The following BTD variants were observed in gnomAD, a reference collection of about 807,000 sequenced individuals.
The protein encoded by BTD is biotinidase, also known as biocytinase.
BTD carries 13 observed loss-of-function variants against 17.7 expected under a neutral mutation model. That is an observed-to-expected ratio of 0.74 (90% CI 0.48 to 1.17). BTD has a LOEUF of 1.17. BTD is among the 50% of genes most tolerant of loss of function. BTD has a pLI of 0.00. For synonymous variants in BTD, 240 were observed against 245.2 expected (o/e 0.98, Z 0.20); for missense variants, 674 against 650.4 (o/e 1.04, Z -0.39).
At chr3:15,720,662 ATTG>A (rs1372068586) in intron 4 of BTD, among the ~76,000 whole-genome samples, 26 of 152,082 alleles carry the variant, frequency 1.7e-4, no homozygotes, top group African/African-American at 5.6e-4. Flanking sequence ...AATGGCAATA[ATTG>A]TTGTGATTTT....
At chr3:15,675,154 C>G (rs1575084752) in intron 3 of BTD, among the ~76,000 whole-genome samples, 1 of 152,108 alleles carries the variant, frequency 6.6e-6, no homozygotes, top group African/African-American at 2.4e-5. Flanking sequence ...TCAGTAATCC[C>G]AGCTACCTGG....
At chr3:15,608,595 G>A (rs1421807207) in intron 1 of BTD, among the ~76,000 whole-genome samples, 2 of 152,094 alleles carry the variant, frequency 1.3e-5, no homozygotes, top group African/African-American at 2.4e-5. Flanking sequence ...GTGAAACCCC[G>A]TCTCTACTAA....
chr3:15,718,172 G>A (rs940535227), intron 4 of BTD, among the ~76,000 whole-genome samples: 1 of 152,162 alleles, frequency 6.6e-6, no homozygotes, highest in African/African-American at 2.4e-5. Flanking sequence ...TTGTGTGTAA[G>A]AGCTGGAAGG....
chr3:15,605,895 T>C (rs913418736), intron 1 of BTD, among the ~76,000 whole-genome samples: 1 of 151,830 alleles, frequency 6.6e-6, no homozygotes, highest in Non-Finnish European at 1.5e-5. Context: ...ATACAAAAAT[T>C]ATCCAGGTGT....
intron 1 of BTD, among the ~76,000 whole-genome samples, chr3:15,614,121 C>CTT (rs1389454960): frequency 3.0e-5 from 4 of 131,724 alleles, no homozygotes; most frequent in African/African-American, 6.7e-5. Context: ...CTCTTTCTTT[C>CTT]TTTCTTTTTT....
chr3:15,613,139 A>G (rs774131923), intron 1 of BTD, among the ~76,000 whole-genome samples: 2 of 152,208 alleles, frequency 1.3e-5, no homozygotes, highest in Non-Finnish European at 2.9e-5. Flanking sequence ...CCTTTGTCAT[A>G]TTCTATTGGC....
chr3:15,625,618 C>T (rs145258317), intron 1 of BTD, among the ~76,000 whole-genome samples: 295 of 152,176 alleles, frequency 1.9e-3, no homozygotes, highest in Admixed American at 2.9e-3. Context: ...TGCAGTGGTG[C>T]GATCTCGGCT....
chr3:15,679,685 C>T, intron 3 of BTD: 1 of 734,948 alleles, frequency 1.4e-6, no homozygotes, highest in Non-Finnish European at 2.2e-6. Context: ...CTCCCAGATC[C>T]CCTCTCTGGA....
chr3:15,613,513 C>G (rs1267745553), intron 1 of BTD, among the ~76,000 whole-genome samples: 1 of 148,954 alleles, frequency 6.7e-6, no homozygotes, highest in Non-Finnish European at 1.5e-5. Context: ...CTCTCTTCTT[C>G]CCTCTTCCCC....
chr3:15,698,415 A>C (rs151178587), intron 3 of BTD, among the ~76,000 whole-genome samples: 43 of 152,346 alleles, frequency 2.8e-4, no homozygotes, highest in African/African-American at 1.0e-3. Flanking sequence ...GAAAGAAATA[A>C]AGGGTATTCA....
At chr3:15,643,071 C>T (rs568123368) in intron 3 of BTD, among the ~76,000 whole-genome samples, 1 of 151,786 alleles carries the variant, frequency 6.6e-6, no homozygotes, top group South Asian at 2.1e-4. Context: ...AATGGAATCC[C>T]TCAAAGGATA....
Position 15,635,622 on chromosome 3 carries a change from G to A in BTD, c.183G>A (p.Glu61=), listed in dbSNP as rs753816877. 9 of 1,614,210 alleles carry A rather than the reference G, an allele frequency of 5.6e-6. 1 individual carries two copies. The highest frequency in any genetic ancestry group is 8.5e-7 in the Non-Finnish European group (1 of 1,180,038). ...LNPLALISRQ[E]ALELMNQNLD... is the part of the protein sequence containing the mutation. ...CTCTGGCTCTCATCAGCCGCCAAGA[G>A]GCCTTGGAGCTCATGAACCAGAACC... Residue 61 remains glutamate, a synonymous_variant, in exon 2 of 4, where the codon GAG becomes GAA. Coordinates refer to ENST00000643237, the MANE Select transcript of BTD (RefSeq NM_001370658.1). This position sits in a 1 kb window ranked among gnomAD's most constrained non-coding sequence, Gnocchi z 4.1.
chr3:15,692,070 G>A (rs2068873691), intron 3 of BTD, among the ~76,000 whole-genome samples: 1 of 150,878 alleles, frequency 6.6e-6, no homozygotes, highest in Non-Finnish European at 1.5e-5. Flanking sequence ...AGTCTAGGAG[G>A]TACAGGCTGC....
intron 1 of BTD, among the ~76,000 whole-genome samples, chr3:15,634,494 C>T (rs2065292732): frequency 6.6e-6 from 1 of 152,154 alleles, no homozygotes; most frequent in African/African-American, 2.4e-5. Context: ...GTAATGCACA[C>T]TGTTTAGAAA....
chr3:15,692,144 T>TAAA (rs908039642), intron 3 of BTD, among the ~76,000 whole-genome samples: 23 of 98,892 alleles, frequency 2.3e-4, no homozygotes, highest in East Asian at 1.7e-3. Context: ...TATCTCTAAA[T>TAAA]AAAAAAAAAA....
rs112242684 is a variant in BTD, at chr3:15,603,713, TC to T, written c.-17+1821del. On this transcript the variant is annotated intron_variant, in intron 1 of 3. Coordinates refer to ENST00000643237, the MANE Select transcript of BTD (RefSeq NM_001370658.1). ...AATAAATAAAAGCAAGATAGTTACT[TC>T]CTAGATACAATGGGTGCACGGGAGT... Among the ~76,000 whole-genome samples, 1,340 of 152,232 alleles carry T rather than the reference TC, an allele frequency of 8.8e-3. 20 individuals carry two copies. The highest frequency in any genetic ancestry group is 0.031 in the African/African-American group (1,282 of 41,550).
chr3:15,688,975 T>G (rs1409589802), intron 3 of BTD, among the ~76,000 whole-genome samples: 2 of 152,196 alleles, frequency 1.3e-5, no homozygotes, highest in African/African-American at 2.4e-5. Flanking sequence ...CAGAAAGAAA[T>G]AAATACTGCA....
chr3:15,716,069 G>C (rs991436104), downstream of BTD, among the ~76,000 whole-genome samples: 2 of 149,042 alleles, frequency 1.3e-5, no homozygotes, highest in African/African-American at 2.5e-5. Context: ...AGCAACCTCC[G>C]CCTCCCGGGT....
chr3:15,602,075 T>G (rs2064276012), intron 1 of BTD, 181 bp downstream of exon 1: 1 of 1,441,686 alleles, frequency 6.9e-7, no homozygotes, highest in African/African-American at 1.4e-5. Context: ...CCGCGTTGCG[T>G]TTTCTAGGCA....
Sources: allele counts gnomAD v4.1 joint callset (sites outside exome capture counted in the v4.1 genomes callset), GRCh38; gene constraint gnomAD v4.1.1; non-coding constraint Gnocchi (gnomAD v3.1); transcripts MANE v1.5; gene names NCBI Gene and HGNC (gene_info 2026-07-23, HGNC 2026-07-21).